The following CAB39 variants were observed in gnomAD, a reference collection of about 807,000 sequenced individuals.
The protein encoded by CAB39 is calcium-binding protein 39.
In CAB39, 8 loss-of-function variants were observed where a neutral mutation model predicts 40.0. The observed-to-expected ratio is 0.20, with a 90% CI of 0.12 to 0.36. The LOEUF is 0.36. Among genes scored for constraint, CAB39 ranks in the 10% least tolerant of loss-of-function variants. CAB39 has a pLI of 1.00. For missense variants in CAB39, 270 were observed against 401.1 expected (o/e 0.67, Z 2.79); for synonymous variants, 156 against 141.6 (o/e 1.10, Z -0.72).
Position 230,791,096 on chromosome 2 carries a change from C to T in CAB39, c.279+60C>T, listed in dbSNP as rs1432372955. 14 of 1,229,482 alleles carry T rather than the reference C, an allele frequency of 1.1e-5. No individual in the cohort carries two copies. In the East Asian group the frequency reaches 1.5e-4, roughly 13 times the overall value. 76.2% of individuals were successfully genotyped at this position (1,229,482 alleles called of 1,614,324 possible). ...ACCCTGTGCATAATTCTTTTCCATA[C>T]GTTCTCTCTTTTGGAACATTGTAAG... is the stretch of plus-strand genomic sequence containing the variant. On this transcript the variant is annotated intron_variant, in intron 3 of 8. Transcript: ENST00000258418.
At chr2:230,724,876 G>A (rs1694532313) in intron 1 of CAB39, among the ~76,000 whole-genome samples, 1 of 151,512 alleles carries the variant, frequency 6.6e-6, no homozygotes, top group Non-Finnish European at 1.5e-5. Context: ...GGGTGGGGGT[G>A]AGGGATGGGG....
intron 2 of CAB39, among the ~76,000 whole-genome samples, chr2:230,781,868 G>GT (rs1695692355): frequency 2.0e-5 from 3 of 152,108 alleles, no homozygotes; most frequent in African/African-American, 4.8e-5. Flanking sequence ...GTTTTGTTTT[G>GT]TTTTTTTCCT....
At chr2:230,791,213 G>C (rs1469115071) in intron 3 of CAB39, among the ~76,000 whole-genome samples, 177 bp downstream of exon 3, 1 of 152,188 alleles carries the variant, frequency 6.6e-6, no homozygotes, top group Non-Finnish European at 1.5e-5. Context: ...AGGAACCCAG[G>C]GGTGTTTCAG....
intron 7 of CAB39, among the ~76,000 whole-genome samples, chr2:230,817,270 G>A (rs941060957): frequency 2.0e-5 from 3 of 152,174 alleles, no homozygotes; most frequent in African/African-American, 2.4e-5. Context: ...ACTGTGGCAT[G>A]TGCAGGGTAC....
chr2:230,760,292 T>G (rs900752972), intron 2 of CAB39, among the ~76,000 whole-genome samples, 177 bp downstream of exon 2: 1 of 152,238 alleles, frequency 6.6e-6, no homozygotes. Context: ...GTCTAACAAA[T>G]AGATTTCTAA....
chr2:230,808,203 C>T (rs886672408), intron 5 of CAB39, among the ~76,000 whole-genome samples: 1 of 152,052 alleles, frequency 6.6e-6, no homozygotes, highest in Middle Eastern at 3.2e-3. Flanking sequence ...TCTCCTGCCT[C>T]AGCCTCCTGA....
At chr2:230,752,306 C>T (rs1575921186) in intron 1 of CAB39, 2 of 151,940 alleles carry the variant, frequency 1.3e-5, no homozygotes, top group African/African-American at 4.8e-5. Context: ...AACCAGATCT[C>T]ACACAACATC....
At chr2:230,719,913 T>C (rs187423675) in intron 1 of CAB39, among the ~76,000 whole-genome samples, 213 of 152,344 alleles carry the variant, frequency 1.4e-3, no homozygotes, top group African/African-American at 4.9e-3. Flanking sequence ...TGCTTTAACC[T>C]TTTTTCTCCC....
At chr2:230,764,162 CTGACT>C (rs1431473966) in intron 2 of CAB39, among the ~76,000 whole-genome samples, 1 of 151,870 alleles carries the variant, frequency 6.6e-6, no homozygotes, top group East Asian at 1.9e-4. Context: ...CAAATGGTCC[CTGACT>C]TAAGATTTTT....
intron 1 of CAB39, chr2:230,725,386 C>T (rs1694546557): frequency 6.2e-7 from 1 of 1,600,522 alleles, no homozygotes. Flanking sequence ...AGTCTCGGTG[C>T]TTTTGGGAGG....
intron 1 of CAB39, among the ~76,000 whole-genome samples, chr2:230,739,747 G>A (rs909174161): frequency 2.0e-5 from 3 of 152,178 alleles, no homozygotes; most frequent in Admixed American, 2.0e-4. Context: ...GCCCACCTCG[G>A]CCTCCCAAAG....
At chr2:230,816,746 C>T (rs1696408693) in intron 7 of CAB39, among the ~76,000 whole-genome samples, 1 of 152,240 alleles carries the variant, frequency 6.6e-6, no homozygotes, top group Non-Finnish European at 1.5e-5. Context: ...ATGCTCGTTT[C>T]TCACTGCACT....
At chr2:230,727,675 A>G (rs1694611399) in intron 1 of CAB39, among the ~76,000 whole-genome samples, 1 of 151,884 alleles carries the variant, frequency 6.6e-6, no homozygotes, top group Admixed American at 6.6e-5. Context: ...TGGCCTCCCT[A>G]AAGTGTTGCG....
At chr2:230,747,743 A>G (rs1695001098) in intron 1 of CAB39, among the ~76,000 whole-genome samples, 1 of 152,254 alleles carries the variant, frequency 6.6e-6, no homozygotes, top group African/African-American at 2.4e-5. Context: ...GTTTTAAATT[A>G]TGAAATATAT....
At chr2:230,731,802 A>G (rs1383407256) in intron 1 of CAB39, among the ~76,000 whole-genome samples, 2 of 152,150 alleles carry the variant, frequency 1.3e-5, no homozygotes, top group South Asian at 2.1e-4. Flanking sequence ...GCTGAATTGT[A>G]TGCTGAATTG....
intron 5 of CAB39, among the ~76,000 whole-genome samples, chr2:230,799,347 G>A (rs926938661): frequency 5.3e-5 from 8 of 152,170 alleles, no homozygotes; most frequent in African/African-American, 1.9e-4. Context: ...ATTGTGGACA[G>A]GCCCGAGGAA....
In CAB39 at chr2:230,760,154, T is replaced by G; in HGVS notation, c.114+39T>G. ...TTTATTTATATTTGAAATATCTTAA[T>G]TAGCAAATGCAAGACACCTTATATG... On this transcript the variant is annotated intron_variant, in intron 2 of 8. Transcript: ENST00000258418. The G allele has an allele frequency of 3.1e-6, 4 of 1,287,688 alleles. No individual in the cohort carries two copies. The South Asian group carries it at 4.8e-5, about 16-fold the overall frequency. 79.8% of individuals were successfully genotyped at this position (1,287,688 alleles called of 1,614,324 possible).
At chr2:230,791,534 G>T (rs1339022293) in intron 3 of CAB39, among the ~76,000 whole-genome samples, 1 of 152,192 alleles carries the variant, frequency 6.6e-6, no homozygotes, top group East Asian at 1.9e-4. Flanking sequence ...TTAAATTAGT[G>T]TAACATTTAA....
chr2:230,789,725 TCTCTGCCA>T (rs2124955440), intron 2 of CAB39, among the ~76,000 whole-genome samples: 1 of 152,314 alleles, frequency 6.6e-6, no homozygotes, highest in African/African-American at 2.4e-5. Flanking sequence ...AGCTCTTTCC[TCTCTGCCA>T]CTCTGCCCTG....
Sources: allele counts gnomAD v4.1 joint callset (sites outside exome capture counted in the v4.1 genomes callset), GRCh38; gene constraint gnomAD v4.1.1; transcripts MANE v1.5; gene names NCBI Gene and HGNC (gene_info 2026-07-23, HGNC 2026-07-21).